The following GABRA2 variants were observed in gnomAD, a reference collection of about 807,000 sequenced individuals.
The protein encoded by GABRA2 is gamma-aminobutyric acid receptor subunit alpha-2.
GABRA2 carries 16 observed loss-of-function variants against 48.7 expected under a neutral mutation model. That is an observed-to-expected ratio of 0.33 (90% CI 0.22 to 0.50). The LOEUF is 0.50. Ranked by LOEUF, GABRA2 falls within the 20% of genes least tolerant of loss-of-function variation. The pLI is 0.98. For synonymous variants in GABRA2, 185 were observed against 184.5 expected (o/e 1.00, Z -0.02); for missense variants, 275 against 535.6 (o/e 0.51, Z 4.80).
intron 3 of GABRA2, chr4:46,366,622 G>C (rs1274046973): frequency 6.6e-6 from 1 of 151,986 alleles, no homozygotes; most frequent in Admixed American, 6.6e-5. Flanking sequence ...TCTAAGGTAG[G>C]GGTCATCAAT....
rs1048683935 is a variant in GABRA2 at position 46,244,541 on chromosome 4, G to A, written c.*5767C>T. On this transcript the variant is annotated 3_prime_UTR_variant, in exon 10 of 10. Coordinates refer to ENST00000381620, the MANE Select transcript of GABRA2 (RefSeq NM_000807.4). ...GTGGCATCCCTTGGGATCAATTCAG[G>A]CGTCATTCTATAAACGGTAACTTAC... Among the ~76,000 whole-genome samples the A allele has an allele frequency of 6.6e-6, 1 of 151,404 alleles. No individual in the cohort carries two copies. The highest frequency in any genetic ancestry group is 2.4e-5 in the African/African-American group (1 of 41,346).
At chr4:46,294,171 CT>C (rs1724203516) in intron 8 of GABRA2, among the ~76,000 whole-genome samples, 6 of 152,206 alleles carry the variant, frequency 3.9e-5, no homozygotes, top group Admixed American at 3.3e-4. Flanking sequence ...AAACTAATCA[CT>C]TTGGCTTCCA....
At chr4:46,312,799 T>C in intron 4 of GABRA2, 83 bp from the exon 5 acceptor site, 1 of 709,888 alleles carries the variant, frequency 1.4e-6, no homozygotes, top group South Asian at 2.0e-5. Context: ...AATATTCTAA[T>C]TAATTTAAAC....
At chr4:46,322,501 A>C (rs1258004012) in intron 4 of GABRA2, among the ~76,000 whole-genome samples, 1 of 151,864 alleles carries the variant, frequency 6.6e-6, no homozygotes, top group Non-Finnish European at 1.5e-5. Flanking sequence ...CACAATAATG[A>C]CATAAGTATG....
At chr4:46,374,881 AC>A (rs1006735070) in intron 3 of GABRA2, among the ~76,000 whole-genome samples, 3 of 151,756 alleles carry the variant, frequency 2.0e-5, no homozygotes, top group Middle Eastern at 3.4e-3. Context: ...TTTTGCATTC[AC>A]CCCCCTAATA....
At chr4:46,286,436 A>G (rs892962107) in intron 8 of GABRA2, among the ~76,000 whole-genome samples, 1 of 152,076 alleles carries the variant, frequency 6.6e-6, no homozygotes, top group African/African-American at 2.4e-5. Context: ...GTGTGAACAT[A>G]TATTTTTATT....
intron 8 of GABRA2, among the ~76,000 whole-genome samples, chr4:46,295,755 T>G (rs567562709): frequency 2.0e-5 from 3 of 152,300 alleles, no homozygotes; most frequent in Admixed American, 6.5e-5. Flanking sequence ...TGGTGGCAGT[T>G]TGATTTTAAT....
At chr4:46,373,779 C>G (rs1715287434) in intron 3 of GABRA2, among the ~76,000 whole-genome samples, 1 of 152,096 alleles carries the variant, frequency 6.6e-6, no homozygotes. Flanking sequence ...TCCGAAGTTT[C>G]TTTTACTCGA....
In GABRA2 at chr4:46,247,880, G is replaced by A. The variant is rs1714001697; in HGVS notation, c.*2428C>T. Among the ~76,000 whole-genome samples the A allele has an allele frequency of 6.6e-6, 1 of 151,072 alleles. No individual in the cohort carries two copies. Among genetic ancestry groups the A allele is most frequent in the Admixed American group, 6.6e-5 (1 of 15,074 alleles). On this transcript the variant is annotated 3_prime_UTR_variant, in exon 10 of 10. Coordinates refer to ENST00000381620, the MANE Select transcript of GABRA2 (RefSeq NM_000807.4). ...TAAAAGAAGAAGAAATATGTAAAAA[G>A]TACATCAAAGTTTAAAGAAATAACA...
chr4:46,380,412 G>C (rs1716601514), intron 3 of GABRA2, among the ~76,000 whole-genome samples: 1 of 152,094 alleles, frequency 6.6e-6, no homozygotes, highest in Non-Finnish European at 1.5e-5. Flanking sequence ...GGAAGTCAAA[G>C]CTTTTATAAA....
rs920051678 is a variant in GABRA2, at chr4:46,369,139, C to G, written c.187+16935G>C. 7.8e-5 allele frequency: 45 copies of G among 579,174 alleles called. No individual in the cohort carries two copies. The Middle Eastern group carries it at 1.5e-3, about 19-fold the overall frequency. 35.9% of individuals were successfully genotyped at this position (579,174 alleles called of 1,614,324 possible). A position where few individuals can be genotyped will look rare whatever the true frequency, so the allele number is the denominator to read the frequency against. The stretch of plus-strand genomic sequence containing the variant: ...AATATACTCAAACGTTTCCTTGGGG[C>G]AGCACAGTACTTCCTGGTCAAGCGG... On this transcript the variant is annotated intron_variant, in intron 3 of 9. Coordinates refer to ENST00000381620, the MANE Select transcript of GABRA2 (RefSeq NM_000807.4).
intron 9 of GABRA2, among the ~76,000 whole-genome samples, chr4:46,253,037 T>A (rs768039069): frequency 6.6e-6 from 1 of 151,536 alleles, no homozygotes; most frequent in Non-Finnish European, 1.5e-5. Flanking sequence ...TAATTTATTA[T>A]GTGTTAGGTA....
intron 5 of GABRA2, 81 bp from the exon 6 acceptor site, chr4:46,310,336 G>A (rs569715144): frequency 7.5e-6 from 7 of 927,676 alleles, no homozygotes; most frequent in Admixed American, 3.6e-5. Context: ...CAACAGACTC[G>A]ATAGAGGTAG....
intron 8 of GABRA2, among the ~76,000 whole-genome samples, chr4:46,302,163 C>A (rs113807260): frequency 6.6e-6 from 1 of 151,680 alleles, no homozygotes; most frequent in Non-Finnish European, 1.5e-5. Flanking sequence ...CAATCTCCCA[C>A]GTTCAAGCGA....
chr4:46,389,338 A>G (rs546290298), intron 1 of GABRA2: 1 of 985,432 alleles, frequency 1.0e-6, no homozygotes, highest in Non-Finnish European at 1.2e-6. Context: ...CAAGTCTTAG[A>G]GGCAGCCGGG....
chr4:46,349,197 G>C (rs890632842), intron 3 of GABRA2, among the ~76,000 whole-genome samples: 2 of 151,948 alleles, frequency 1.3e-5, no homozygotes, highest in Non-Finnish European at 2.9e-5. Flanking sequence ...GAAAATTTAT[G>C]TGACTCGCTT....
At position 46,386,197 on chromosome 4, in the gene GABRA2, G is replaced by A. The variant is rs1007031191; in HGVS notation, c.72-8C>T. 5 of 1,542,570 alleles carry A rather than the reference G, an allele frequency of 3.2e-6. No homozygotes were observed. The highest frequency in any genetic ancestry group is 4.5e-6 in the Non-Finnish European group (5 of 1,123,322). On this transcript the variant is annotated splice_polypyrimidine_tract_variant and splice_region_variant and intron_variant, in intron 2 of 9. Coordinates refer to ENST00000381620, the MANE Select transcript of GABRA2 (RefSeq NM_000807.4). ...ATGTTAGCCAGCACCAACCTAAACAGATAATTTTAAAAGCTGATATATATA... is the reference window on the plus strand; with the variant it reads ...ATGTTAGCCAGCACCAACCTAAACAAATAATTTTAAAAGCTGATATATATA...
chr4:46,303,416 T>A (rs999408455), intron 8 of GABRA2, 44 bp downstream of exon 8: 8 of 1,526,910 alleles, frequency 5.2e-6, no homozygotes, highest in Non-Finnish European at 6.4e-6. Flanking sequence ...GAAAGTATGC[T>A]ATGAAACATA....
At chr4:46,323,436 G>T (rs141934643) in intron 4 of GABRA2, among the ~76,000 whole-genome samples, 4 of 151,508 alleles carry the variant, frequency 2.6e-5, no homozygotes, top group Admixed American at 6.6e-5. Context: ...ACCAAACTCC[G>T]TATCTACCAC....
Sources: allele counts gnomAD v4.1 joint callset (sites outside exome capture counted in the v4.1 genomes callset), GRCh38; gene constraint gnomAD v4.1.1; transcripts MANE v1.5; gene names NCBI Gene and HGNC (gene_info 2026-07-23, HGNC 2026-07-21).